Variants in ANO3 observed in about 807,000 individuals in gnomAD.
The protein encoded by ANO3 is anoctamin-3.
Under a neutral mutation model 144.8 loss-of-function variants are expected in ANO3, and 99 were observed. That is an observed-to-expected ratio of 0.68 (90% CI 0.58 to 0.81). The LOEUF is 0.81. ANO3 is among the 30% of genes least tolerant of loss of function. ANO3 has a pLI of 0.00. For synonymous variants in ANO3, 414 were observed against 392.6 expected (o/e 1.05, Z -0.64); for missense variants, 905 against 1,202.2 (o/e 0.75, Z 3.66).
At chr11:26,405,809 G>A (rs1857262516) in intron 1 of ANO3, among the ~76,000 whole-genome samples, 1 of 151,876 alleles carries the variant, frequency 6.6e-6, no homozygotes, top group Non-Finnish European at 1.5e-5. Flanking sequence ...CCTTCCCTGA[G>A]AGAAGTAGTT....
chr11:26,337,605 GA>G (rs1281371704), intron 1 of ANO3, among the ~76,000 whole-genome samples: 3 of 152,112 alleles, frequency 2.0e-5, no homozygotes, highest in Non-Finnish European at 4.4e-5. Context: ...AAAAATCCAA[GA>G]AAAATTCAAC....
At chr11:26,610,525 T>C (rs1408932860) in intron 17 of ANO3, among the ~76,000 whole-genome samples, 1 of 152,130 alleles carries the variant, frequency 6.6e-6, no homozygotes, top group African/African-American at 2.4e-5. Flanking sequence ...CTTTTTAATT[T>C]GATGTGGTCT....
intron 14 of ANO3, among the ~76,000 whole-genome samples, chr11:26,590,846 T>C (rs1851426758): frequency 6.6e-6 from 1 of 152,204 alleles, no homozygotes; most frequent in South Asian, 2.1e-4. Context: ...AAGCTCAGCT[T>C]GAGCCGTAAC....
chr11:26,218,465 C>T (rs964804625), intron 1 of ANO3, among the ~76,000 whole-genome samples: 1 of 152,024 alleles, frequency 6.6e-6, no homozygotes, highest in Admixed American at 6.6e-5. Context: ...AACACTTACC[C>T]TCCCAGGGTT....
chr11:26,364,399 A>G (rs1317203748), intron 1 of ANO3, among the ~76,000 whole-genome samples: 1 of 152,204 alleles, frequency 6.6e-6, no homozygotes, highest in African/African-American at 2.4e-5. Context: ...AGCAAGGCCC[A>G]TCCCTCTAAA....
At chr11:26,206,966 G>A (rs1211138771) in intron 1 of ANO3, among the ~76,000 whole-genome samples, 1 of 152,220 alleles carries the variant, frequency 6.6e-6, no homozygotes, top group African/African-American at 2.4e-5. Context: ...AAAGTATGAA[G>A]GGCAAATATT....
At chr11:26,438,609 G>GAAAAAAAAAAAAAAAAAAA (rs1222012718) in intron 1 of ANO3, among the ~76,000 whole-genome samples, 1 of 73,300 alleles carries the variant, frequency 1.4e-5, no homozygotes, top group Non-Finnish European at 2.4e-5. Context: ...AAAAAAAAAA[G>GAAAAAAAAAAAAAAAAAAA]AAAAAAAAAA....
intron 14 of ANO3, among the ~76,000 whole-genome samples, chr11:26,567,534 C>A (rs1850638259): frequency 6.6e-6 from 1 of 151,926 alleles, no homozygotes; most frequent in African/African-American, 2.4e-5. Flanking sequence ...AATAATTTCT[C>A]ACATGTGGTA....
chr11:26,290,941 C>G (rs192032254), intron 1 of ANO3, among the ~76,000 whole-genome samples: 97 of 152,264 alleles, frequency 6.4e-4, no homozygotes, highest in Non-Finnish European at 1.1e-3. Flanking sequence ...TGGTGCAGAG[C>G]TGAGTCAAGT....
At chr11:26,623,457 A>G (rs954654182) in intron 17 of ANO3, among the ~76,000 whole-genome samples, 1 of 152,184 alleles carries the variant, frequency 6.6e-6, no homozygotes, top group Admixed American at 6.5e-5. Flanking sequence ...AACTATATTT[A>G]CTTGGAATAT....
At chr11:26,454,496 C>G (rs1291964326) in intron 3 of ANO3, among the ~76,000 whole-genome samples, 2 of 152,146 alleles carry the variant, frequency 1.3e-5, no homozygotes, top group Non-Finnish European at 2.9e-5. Context: ...ATAAATTCCT[C>G]AACATATATG....
chr11:26,511,790 A>G (rs553663285), intron 5 of ANO3, among the ~76,000 whole-genome samples: 64 of 152,292 alleles, frequency 4.2e-4, no homozygotes, highest in African/African-American at 1.4e-3. Context: ...TACTGGCTGT[A>G]TATTAGAGTC....
intron 1 of ANO3, among the ~76,000 whole-genome samples, chr11:26,238,996 T>C (rs1379647033): frequency 6.7e-6 from 1 of 149,996 alleles, no homozygotes; most frequent in African/African-American, 2.4e-5. Flanking sequence ...AATATTAATG[T>C]TAATATTTAA....
chr11:26,372,145 G>A (rs553751631), intron 1 of ANO3, among the ~76,000 whole-genome samples: 5 of 151,998 alleles, frequency 3.3e-5, no homozygotes, highest in African/African-American at 9.7e-5. Flanking sequence ...GAATCATGAG[G>A]GTGGTTTTCC....
intron 3 of ANO3, among the ~76,000 whole-genome samples, chr11:26,452,428 A>C (rs1382104917): frequency 6.6e-6 from 1 of 152,264 alleles, no homozygotes; most frequent in African/African-American, 2.4e-5. Flanking sequence ...AACTACGTGA[A>C]GAATGCAGAA....
chr11:26,458,753 C>T (rs1005150862), intron 3 of ANO3, among the ~76,000 whole-genome samples: 7 of 151,906 alleles, frequency 4.6e-5, no homozygotes, highest in Admixed American at 3.9e-4. Context: ...CTGGATATAG[C>T]GATGAACAAA....
intron 3 of ANO3, among the ~76,000 whole-genome samples, chr11:26,457,621 C>A (rs1012850765): frequency 1.3e-5 from 2 of 152,064 alleles, no homozygotes; most frequent in Admixed American, 1.3e-4. Flanking sequence ...TAAAGTCTAA[C>A]GTTAAAAAAC....
chr11:26,565,317 G>T (rs1850525792), intron 14 of ANO3: 2 of 1,611,058 alleles, frequency 1.2e-6, no homozygotes, highest in Middle Eastern at 1.7e-4. Context: ...TATCAAGGGG[G>T]TCACAGATGG....
chr11:26,527,478 A>G (rs1849192501), intron 7 of ANO3, among the ~76,000 whole-genome samples: 1 of 152,110 alleles, frequency 6.6e-6, no homozygotes, highest in Non-Finnish European at 1.5e-5. Flanking sequence ...ATAAATAGAA[A>G]AGAAGTCTAT....
Sources: gnomAD v4.1 joint callset for allele counts (sites outside exome capture counted in the v4.1 genomes callset) on GRCh38, gnomAD v4.1.1 for gene constraint, MANE v1.5 for transcripts, NCBI Gene and HGNC (gene_info 2026-07-23, HGNC 2026-07-21) for gene names.